The following MAGI2 variants were observed in gnomAD, a reference collection of about 807,000 sequenced individuals.
MAGI2 encodes the protein membrane-associated guanylate kinase, WW and PDZ domain-containing protein 2.
MAGI2 carries 35 observed loss-of-function variants against 133.3 expected under a neutral mutation model. The observed-to-expected ratio is 0.26, with a 90% CI of 0.20 to 0.35. The LOEUF is 0.35. Among genes scored for constraint, MAGI2 ranks in the 10% least tolerant of loss-of-function variants. MAGI2 has a pLI of 1.00. For synonymous variants in MAGI2, 729 were observed against 710.6 expected, an observed-to-expected ratio of 1.03 and a Z score of -0.41; for missense variants, 1,636 against 1,863.4, an observed-to-expected ratio of 0.88 and a Z score of 2.25.
At chr7:78,995,363 AATAAT>A (rs1364278569) in intron 2 of MAGI2, among the ~76,000 whole-genome samples, 1 of 152,180 alleles carries the variant, frequency 6.6e-6, no homozygotes, top group Non-Finnish European at 1.5e-5. Context: ...TAATTACTGA[AATAAT>A]ATAATTATCA....
At chr7:79,337,498 G>C (rs1344256499) in intron 1 of MAGI2, among the ~76,000 whole-genome samples, 1 of 152,190 alleles carries the variant, frequency 6.6e-6, no homozygotes, top group African/African-American at 2.4e-5. Flanking sequence ...TAAGTCAGCA[G>C]TGCAGAAAGA....
rs150725802 is a variant in MAGI2 at position 78,681,896 on chromosome 7, A to G, written c.419-54657T>C. Among the ~76,000 whole-genome samples, 768 of 152,288 alleles carry G rather than the reference A, an allele frequency of 5.0e-3. 8 individuals are homozygous for G. The highest frequency in any genetic ancestry group is 0.018 in the African/African-American group (736 of 41,580). ...GAAACTTCAGAATCACAACCTTTAT[A>G]TGACAACCTAATTACACCAACATCT... On this transcript the variant is annotated intron_variant, in intron 2 of 21. Coordinates refer to ENST00000354212, the MANE Select transcript of MAGI2 (RefSeq NM_012301.4).
chr7:79,165,151 T>C (rs1011063705), intron 1 of MAGI2, among the ~76,000 whole-genome samples: 4 of 150,928 alleles, frequency 2.7e-5, no homozygotes, highest in Non-Finnish European at 5.9e-5. Context: ...TAAGTGGTTT[T>C]CTTAAGTGTT....
At chr7:78,028,518 A>T (rs1408306788) in intron 21 of MAGI2, among the ~76,000 whole-genome samples, 1 of 152,152 alleles carries the variant, frequency 6.6e-6, no homozygotes, top group East Asian at 1.9e-4. Context: ...CGTGGATCAC[A>T]TATGTATATT....
chr7:78,827,564 C>A (rs1790775135), intron 2 of MAGI2, among the ~76,000 whole-genome samples: 1 of 152,066 alleles, frequency 6.6e-6, no homozygotes, highest in Admixed American at 6.6e-5. Context: ...TGGCGGCTCA[C>A]CATGGTGCAC....
intron 1 of MAGI2, among the ~76,000 whole-genome samples, chr7:79,105,100 T>C (rs1818333180): frequency 6.6e-6 from 1 of 152,220 alleles, no homozygotes. Flanking sequence ...GAGTGACAGG[T>C]TTTAGATTTA....
chr7:78,788,160 T>G (rs552709716), intron 2 of MAGI2, among the ~76,000 whole-genome samples: 1 of 152,218 alleles, frequency 6.6e-6, no homozygotes, highest in Non-Finnish European at 1.5e-5. Context: ...TCCAATCACG[T>G]GCTTTGGGAA....
Position 79,027,829 on chromosome 7 carries a change from A to T in MAGI2, c.302-20623T>A, listed in dbSNP as rs77958710. Among the ~76,000 whole-genome samples, 1,180 of 152,318 alleles carry T rather than the reference A, an allele frequency of 7.7e-3. 38 individuals carry two copies. The highest frequency in any genetic ancestry group is 0.063 in the Admixed American group (965 of 15,290). On this transcript the variant is annotated intron_variant, in intron 1 of 21. Transcript: ENST00000354212. ...TGTCAATATAGAATAATTTAAAAAA[A>T]ATCATGTGACTACCCAAGAATAATT... is the stretch of plus-strand genomic sequence containing the variant.
intron 1 of MAGI2, among the ~76,000 whole-genome samples, chr7:79,322,236 A>G (rs1420013232): frequency 1.3e-5 from 2 of 152,194 alleles, no homozygotes; most frequent in Admixed American, 1.3e-4. Flanking sequence ...TAAGGTACAG[A>G]GAGATTACAA....
intron 1 of MAGI2, among the ~76,000 whole-genome samples, chr7:79,279,628 T>C (rs965521827): frequency 1.3e-5 from 2 of 152,142 alleles, no homozygotes; most frequent in Non-Finnish European, 2.9e-5. Context: ...CTGATTGAGC[T>C]ACGGCACTCC....
intron 21 of MAGI2, chr7:78,072,437 A>G (rs573204641): frequency 1.3e-5 from 2 of 152,634 alleles, no homozygotes; most frequent in African/African-American, 4.8e-5. Flanking sequence ...CCAGGACTAC[A>G]TTTTACCTTC....
intron 1 of MAGI2, among the ~76,000 whole-genome samples, chr7:79,083,528 T>A (rs1816235199): frequency 6.6e-6 from 1 of 151,770 alleles, no homozygotes; most frequent in African/African-American, 2.4e-5. Flanking sequence ...TTGGGATAAA[T>A]CCCACTTGGT....
chr7:78,569,955 T>C (rs562361423), intron 3 of MAGI2, among the ~76,000 whole-genome samples: 68 of 152,342 alleles, frequency 4.5e-4, no homozygotes, highest in African/African-American at 1.5e-3. Flanking sequence ...GATTCTTTGT[T>C]TTTGTGGATA....
chr7:78,972,575 A>T (rs1463255682), intron 2 of MAGI2, among the ~76,000 whole-genome samples: 1 of 151,910 alleles, frequency 6.6e-6, no homozygotes, highest in Non-Finnish European at 1.5e-5. Context: ...AAAATAGTGC[A>T]GAATTGAGGT....
At chr7:78,673,851 A>G (rs1479251754) in intron 2 of MAGI2, among the ~76,000 whole-genome samples, 1 of 152,150 alleles carries the variant, frequency 6.6e-6, no homozygotes, top group Non-Finnish European at 1.5e-5. Flanking sequence ...TATAAAATTA[A>G]CCATTATAGT....
At chr7:78,898,029 GGACA>G (rs1233800334) in intron 2 of MAGI2, among the ~76,000 whole-genome samples, 1 of 152,112 alleles carries the variant, frequency 6.6e-6, no homozygotes, top group Non-Finnish European at 1.5e-5. Flanking sequence ...AGTGAGCAAA[GGACA>G]GACACTTTTC....
At chr7:78,721,887 A>G (rs1363549523) in intron 2 of MAGI2, among the ~76,000 whole-genome samples, 2 of 151,958 alleles carry the variant, frequency 1.3e-5, no homozygotes, top group Non-Finnish European at 2.9e-5. Flanking sequence ...ATTTAGACTC[A>G]GAAAATTTAA....
At chr7:79,452,891 G>A (rs1849386686) in intron 1 of MAGI2, 129 bp downstream of exon 1, 3 of 987,096 alleles carry the variant, frequency 3.0e-6, no homozygotes, top group South Asian at 1.7e-5. Flanking sequence ...TGCACTGCGG[G>A]TGCTCTCTGG....
At chr7:79,185,170 A>G (rs1033598804) in intron 1 of MAGI2, among the ~76,000 whole-genome samples, 1 of 151,848 alleles carries the variant, frequency 6.6e-6, no homozygotes, top group Non-Finnish European at 1.5e-5. Flanking sequence ...AAATGATTAA[A>G]TTGTGAATAA....
Sources: allele counts gnomAD v4.1 joint callset (sites outside exome capture counted in the v4.1 genomes callset), GRCh38; gene constraint gnomAD v4.1.1; transcripts MANE v1.5; gene names NCBI Gene and HGNC (gene_info 2026-07-23, HGNC 2026-07-21).